The following DNM3 variants were observed in gnomAD, a reference collection of about 807,000 sequenced individuals.
The protein encoded by DNM3 is dynamin-3.
A neutral mutation model predicts 101.6 loss-of-function variants in DNM3; 47 were observed. The observed-to-expected ratio is 0.46, with a 90% confidence interval of 0.37 to 0.59. DNM3 has a LOEUF of 0.59. DNM3 is among the 20% of genes least tolerant of loss of function. The probability of loss-of-function intolerance (pLI) is 0.00; values close to 1 mark genes in which losing one functional copy is unlikely to be tolerated. For synonymous variants in DNM3, 385 were observed against 387.9 expected (o/e 0.99, Z 0.09); for missense variants, 849 against 1,085.7 (o/e 0.78, Z 3.06).
At chr1:172,036,941 A>AT (rs1313257721) in intron 6 of DNM3, among the ~76,000 whole-genome samples, 1 of 151,484 alleles carries the variant, frequency 6.6e-6, no homozygotes, top group East Asian at 1.9e-4. Context: ...ACTCAAACAA[A>AT]TTTACAAGAA....
rs140020182 is a variant in DNM3, at chr1:172,045,953, G to A, written c.1196+1501G>A. Among the ~76,000 whole-genome samples the A allele has an allele frequency of 2.7e-3, 404 of 152,290 alleles. 2 individuals are homozygous for A. Among genetic ancestry groups the A allele is most frequent in the African/African-American group, 9.1e-3 (379 of 41,560 alleles). ...TGTTTTAAAATTTAGACAATCTGTT[G>A]GTGGGACTGTAAACTAGTTCAACCA... On this transcript the variant is annotated intron_variant, in intron 9 of 20. Transcript: ENST00000627582.
intron 1 of DNM3, among the ~76,000 whole-genome samples, chr1:171,871,543 G>T (rs1001958142): frequency 6.6e-6 from 1 of 152,138 alleles, no homozygotes; most frequent in Non-Finnish European, 1.5e-5. Context: ...AGAACTGTAG[G>T]ATGTTTAACA....
At chr1:171,879,645 A>T (rs1383492086) in intron 1 of DNM3, among the ~76,000 whole-genome samples, 3 of 152,218 alleles carry the variant, frequency 2.0e-5, no homozygotes, top group Admixed American at 6.5e-5. Flanking sequence ...CCAGAAAGGC[A>T]CAGTGGACTG....
chr1:171,969,910 G>A (rs2043865960), intron 2 of DNM3, among the ~76,000 whole-genome samples: 1 of 152,102 alleles, frequency 6.6e-6, no homozygotes, highest in Non-Finnish European at 1.5e-5. Context: ...AGGGTTGTTT[G>A]GAGTATTAAC....
In DNM3 at chr1:172,367,857, G is replaced by A. The variant is rs2068102876; in HGVS notation, c.1894-11161G>A. ...ATTATAGTTCTTATAATTCCCATAT[G>A]TCTTGGGAGGGACCTGGTAGAATGT... On this transcript the variant is annotated intron_variant, in intron 17 of 20. Coordinates refer to ENST00000627582, the MANE Select transcript of DNM3 (RefSeq NM_015569.5). Among the ~76,000 whole-genome samples, 5 of 151,854 alleles carry A rather than the reference G, an allele frequency of 3.3e-5. No individual in the cohort carries two copies. The South Asian group carries it at 6.2e-4, about 19-fold the overall frequency.
intron 4 of DNM3, among the ~76,000 whole-genome samples, chr1:172,006,864 A>G (rs1000093764): frequency 6.6e-6 from 1 of 152,088 alleles, no homozygotes; most frequent in Admixed American, 6.6e-5. Context: ...TTCTGTCACT[A>G]TAAATTAGAT....
At chr1:171,932,253 T>A (rs902829360) in intron 2 of DNM3, among the ~76,000 whole-genome samples, 6 of 151,724 alleles carry the variant, frequency 4.0e-5, no homozygotes, top group African/African-American at 1.5e-4. Flanking sequence ...GTGATCCTGC[T>A]GCCTCCACCT....
At chr1:171,854,906 G>A (rs2033429443) in intron 1 of DNM3, among the ~76,000 whole-genome samples, 1 of 151,940 alleles carries the variant, frequency 6.6e-6, no homozygotes, top group African/African-American at 2.4e-5. Context: ...TTAGGTTCAG[G>A]GGCACATGTG....
intron 14 of DNM3, among the ~76,000 whole-genome samples, chr1:172,188,767 C>T (rs1282108120): frequency 1.3e-5 from 2 of 152,086 alleles, no homozygotes; most frequent in Non-Finnish European, 2.9e-5. Context: ...ATTATCTTTA[C>T]AGGTGGCTGC....
intron 2 of DNM3, among the ~76,000 whole-genome samples, chr1:171,968,286 G>A (rs959761937): frequency 4.6e-5 from 7 of 151,762 alleles, no homozygotes; most frequent in African/African-American, 1.7e-4. Context: ...CTTCCATCTT[G>A]TCAAAAGACA....
chr1:172,267,737 G>A (rs1321928720), intron 15 of DNM3, among the ~76,000 whole-genome samples: 1 of 151,158 alleles, frequency 6.6e-6, no homozygotes, highest in Non-Finnish European at 1.5e-5. Context: ...TTTAGAGATG[G>A]AGTCTCACTC....
chr1:172,010,888 C>T (rs2047081857), intron 4 of DNM3, among the ~76,000 whole-genome samples: 1 of 151,246 alleles, frequency 6.6e-6, no homozygotes, highest in Admixed American at 6.6e-5. Context: ...AATTCCATTG[C>T]TTCTAGGTAG....
chr1:171,979,413 C>T (rs1178412128), intron 2 of DNM3, among the ~76,000 whole-genome samples: 4 of 152,104 alleles, frequency 2.6e-5, no homozygotes, highest in African/African-American at 7.2e-5. Context: ...GCATGGTTCA[C>T]AATAGCTAAG....
At chr1:172,242,050 G>A (rs2061768876) in intron 14 of DNM3, among the ~76,000 whole-genome samples, 1 of 152,122 alleles carries the variant, frequency 6.6e-6, no homozygotes, top group African/African-American at 2.4e-5. Context: ...TGTTGGAGGA[G>A]TGTGCAGAAT....
chr1:171,901,754 C>T (rs1246718357), intron 1 of DNM3, among the ~76,000 whole-genome samples: 2 of 152,144 alleles, frequency 1.3e-5, no homozygotes, highest in Non-Finnish European at 2.9e-5. Context: ...ACTCGGTATA[C>T]TATGTTTTAA....
chr1:172,082,231 G>A (rs1420649815), intron 12 of DNM3, among the ~76,000 whole-genome samples: 1 of 151,790 alleles, frequency 6.6e-6, no homozygotes, highest in African/African-American at 2.4e-5. Flanking sequence ...TTAAAATTTT[G>A]AGGGGAACAG....
chr1:172,152,323 G>C (rs894515276), intron 14 of DNM3, among the ~76,000 whole-genome samples: 1 of 147,924 alleles, frequency 6.8e-6, no homozygotes, highest in Non-Finnish European at 1.5e-5. Context: ...CAATTCAATT[G>C]GTTAATTTTT....
intron 2 of DNM3, among the ~76,000 whole-genome samples, chr1:171,950,788 G>A (rs1017575384): frequency 5.9e-5 from 9 of 152,078 alleles, no homozygotes; most frequent in South Asian, 2.1e-4. Context: ...GGGTACACAC[G>A]TGTGTACTTA....
At chr1:172,071,115 A>C (rs907782509) in intron 11 of DNM3, among the ~76,000 whole-genome samples, 1 of 136,402 alleles carries the variant, frequency 7.3e-6, no homozygotes, top group Non-Finnish European at 1.5e-5. Flanking sequence ...ATATATATAT[A>C]TATATCTTAG....
Sources: allele counts gnomAD v4.1 joint callset (sites outside exome capture counted in the v4.1 genomes callset), GRCh38; gene constraint gnomAD v4.1.1; transcripts MANE v1.5; gene names NCBI Gene and HGNC (gene_info 2026-07-23, HGNC 2026-07-21).